The following ADAMTS6 variants were observed in gnomAD, a reference collection of about 807,000 sequenced individuals.
ADAMTS6 encodes the protein A disintegrin and metalloproteinase with thrombospondin motifs 6.
A neutral mutation model predicts 144.3 loss-of-function variants in ADAMTS6; 23 were observed. The ratio of observed to expected loss-of-function variants is 0.16; its 90% CI spans 0.11 to 0.23. The LOEUF is 0.23. ADAMTS6 is among the 10% of genes least tolerant of loss of function. ADAMTS6 has a pLI of 1.00. For synonymous variants in ADAMTS6, 444 were observed against 457.5 expected (o/e 0.97, Z 0.38); for missense variants, 999 against 1,379.6 (o/e 0.72, Z 4.37).
At chr5:65,253,940 A>G (rs1481151583) in intron 14 of ADAMTS6, among the ~76,000 whole-genome samples, 1 of 142,588 alleles carries the variant, frequency 7.0e-6, no homozygotes, top group Non-Finnish European at 1.5e-5. Context: ...TGATCCTCCC[A>G]CTCAAGCAAT....
intron 7 of ADAMTS6, among the ~76,000 whole-genome samples, chr5:65,341,502 T>C (rs1747821098): frequency 2.0e-5 from 3 of 150,698 alleles, no homozygotes; most frequent in South Asian, 4.2e-4. Context: ...ATCTCAGAAA[T>C]AAAAAAAAGT....
intron 15 of ADAMTS6, among the ~76,000 whole-genome samples, chr5:65,235,490 T>C (rs1025731376): frequency 6.6e-6 from 1 of 152,116 alleles, no homozygotes; most frequent in African/African-American, 2.4e-5. Context: ...GAGATTAACA[T>C]TTGAGTCAGT....
chr5:65,227,544 T>C (rs1176541758), intron 15 of ADAMTS6, among the ~76,000 whole-genome samples: 1 of 152,086 alleles, frequency 6.6e-6, no homozygotes, highest in East Asian at 1.9e-4. Flanking sequence ...CTACTTCTAA[T>C]AAAGGAAATA....
At chr5:65,391,446 ACAC>A (rs1348405413) in intron 7 of ADAMTS6, among the ~76,000 whole-genome samples, 1 of 135,710 alleles carries the variant, frequency 7.4e-6, no homozygotes, top group Non-Finnish European at 1.6e-5. Flanking sequence ...ACACACACAC[ACAC>A]ACTTTTTTTT....
At position 65,451,290 on chromosome 5, in the gene ADAMTS6, T is replaced by G. The variant is rs1030093167; in HGVS notation, c.1073+185A>C. On this transcript the variant is annotated intron_variant, in intron 7 of 24. Coordinates refer to ENST00000381055, the MANE Select transcript of ADAMTS6 (RefSeq NM_197941.4). ...TCAAATCTTAATATTTTCTTTTTTC[T>G]TATTTGGTTCATTTGATGCAAACAC... 5 of 545,638 alleles carry G rather than the reference T, an allele frequency of 9.2e-6. 1 individual carries two copies. The African/African-American group carries it at 1.0e-4, about 11-fold the overall frequency. 33.8% of individuals were successfully genotyped at this position (545,638 alleles called of 1,614,324 possible).
At chr5:65,390,951 A>G (rs1364821357) in intron 7 of ADAMTS6, among the ~76,000 whole-genome samples, 8 of 141,408 alleles carry the variant, frequency 5.7e-5, no homozygotes, top group Non-Finnish European at 6.1e-5. Flanking sequence ...TTGTTTTTTG[A>G]GGGTTTTTTT....
chr5:65,353,782 C>A (rs896603669), intron 7 of ADAMTS6, among the ~76,000 whole-genome samples: 3 of 151,886 alleles, frequency 2.0e-5, no homozygotes, highest in Admixed American at 6.6e-5. Context: ...TTCTTTGGCT[C>A]ATCTAAAGGG....
At chr5:65,363,573 T>TTTATTC (rs1561465087) in intron 7 of ADAMTS6, among the ~76,000 whole-genome samples, 3 of 152,204 alleles carry the variant, frequency 2.0e-5, no homozygotes, top group African/African-American at 7.2e-5. Flanking sequence ...CAGACCAATA[T>TTTATTC]TTATTCTTCT....
At chr5:65,242,492 A>G (rs537401088) in intron 14 of ADAMTS6, among the ~76,000 whole-genome samples, 10 of 152,316 alleles carry the variant, frequency 6.6e-5, no homozygotes, top group Admixed American at 4.6e-4. Flanking sequence ...TCCATCAGGT[A>G]TCTCCTTATA....
chr5:65,305,401 A>G (rs1306163241), intron 9 of ADAMTS6, among the ~76,000 whole-genome samples: 2 of 152,206 alleles, frequency 1.3e-5, no homozygotes, highest in African/African-American at 4.8e-5. Flanking sequence ...GTGGGACTAT[A>G]GAAATATAAA....
intron 2 of ADAMTS6, 135 bp from the exon 3 acceptor site, chr5:65,471,277 CA>C (rs1040722180): frequency 4.2e-5 from 35 of 827,138 alleles, no homozygotes; most frequent in African/African-American, 4.0e-4. Context: ...GAGGTATGTA[CA>C]AAAAAAGTTA....
intron 20 of ADAMTS6, chr5:65,210,324 G>A (rs1012675630): frequency 6.3e-5 from 10 of 157,976 alleles, no homozygotes; most frequent in Middle Eastern, 2.9e-3. Context: ...GGTGGCGCGC[G>A]CCTGTAGTCC....
chr5:65,295,222 T>A (rs1345209596), intron 10 of ADAMTS6, among the ~76,000 whole-genome samples: 3 of 152,108 alleles, frequency 2.0e-5, no homozygotes, highest in Admixed American at 2.0e-4. Flanking sequence ...ATTAGGTCGG[T>A]GCAAAAGTAA....
rs1271485443 is a variant in ADAMTS6 at position 65,373,787 on chromosome 5, C to T, written c.1074-39702G>A. ...GCCAGCATCATCCTGATACCAAAGCCGGGCAGAGACACAACCAAAAAAGAG... is the reference window on the plus strand; with the variant it reads ...GCCAGCATCATCCTGATACCAAAGCTGGGCAGAGACACAACCAAAAAAGAG... On this transcript the variant is annotated intron_variant, in intron 7 of 24. Coordinates refer to ENST00000381055, the MANE Select transcript of ADAMTS6 (RefSeq NM_197941.4). 4.6e-5 allele frequency among the ~76,000 whole-genome samples: 7 copies of T among 152,194 alleles called. No individual in the cohort carries two copies. The East Asian group carries it at 5.8e-4, about 13-fold the overall frequency.
chr5:65,345,145 T>C (rs562119813), intron 7 of ADAMTS6, among the ~76,000 whole-genome samples: 1 of 151,890 alleles, frequency 6.6e-6, no homozygotes, highest in South Asian at 2.1e-4. Flanking sequence ...TTTATAGAGT[T>C]AAAGCCCTCT....
intron 7 of ADAMTS6, among the ~76,000 whole-genome samples, chr5:65,369,939 A>T (rs901876849): frequency 6.6e-6 from 1 of 150,972 alleles, no homozygotes; most frequent in African/African-American, 2.4e-5. Context: ...TAGGGAAGTT[A>T]TTTTTTTTTC....
chr5:65,354,447 T>C (rs753584850), intron 7 of ADAMTS6, among the ~76,000 whole-genome samples: 1 of 151,796 alleles, frequency 6.6e-6, no homozygotes, highest in Non-Finnish European at 1.5e-5. Flanking sequence ...ACTTAGATAA[T>C]GTATATAAGC....
intron 9 of ADAMTS6, among the ~76,000 whole-genome samples, chr5:65,324,373 C>T (rs1000989887): frequency 5.9e-5 from 9 of 152,092 alleles, no homozygotes; most frequent in African/African-American, 2.2e-4. Context: ...TTGAAATATG[C>T]AAAGCTTTTT....
At chr5:65,393,408 T>C (rs900584504) in intron 7 of ADAMTS6, among the ~76,000 whole-genome samples, 8 of 152,234 alleles carry the variant, frequency 5.3e-5, no homozygotes, top group Middle Eastern at 3.2e-3. Flanking sequence ...CAAAAGCTAA[T>C]GTTTATATCC....
Sources: gnomAD v4.1 joint callset for allele counts (sites outside exome capture counted in the v4.1 genomes callset) on GRCh38, gnomAD v4.1.1 for gene constraint, MANE v1.5 for transcripts, NCBI Gene and HGNC (gene_info 2026-07-23, HGNC 2026-07-21) for gene names.